KCTD16: variants seen among roughly 807,000 people sequenced by gnomAD.
KCTD16 encodes the protein BTB/POZ domain-containing protein KCTD16.
In KCTD16, 13 loss-of-function variants were observed where a neutral mutation model predicts 33.2. That is an observed-to-expected ratio of 0.39 (90% CI 0.25 to 0.62). The LOEUF (loss-of-function observed/expected upper bound fraction) is 0.62, where lower values mean the gene tolerates loss of function less well. Ranked by LOEUF, KCTD16 falls within the 20% of genes least tolerant of loss-of-function variation. The pLI is 0.50. For missense variants in KCTD16, 441 were observed against 525.1 expected, an observed-to-expected ratio of 0.84 and a Z score of 1.57; for synonymous variants, 197 against 195.3, an observed-to-expected ratio of 1.01 and a Z score of -0.07.
chr5:144,346,642 A>C (rs531929045), intron 3 of KCTD16, among the ~76,000 whole-genome samples: 1 of 152,006 alleles, frequency 6.6e-6, no homozygotes, highest in African/African-American at 2.4e-5. Flanking sequence ...TATGTCTGCC[A>C]TTTTTATGTC....
intron 3 of KCTD16, among the ~76,000 whole-genome samples, chr5:144,359,899 G>A (rs573894014): frequency 3.3e-5 from 5 of 151,860 alleles, no homozygotes; most frequent in Admixed American, 1.3e-4. Context: ...GCATTTTCTG[G>A]TAGAGAAGAT....
intron 3 of KCTD16, among the ~76,000 whole-genome samples, chr5:144,462,675 T>C (rs1754227285): frequency 6.6e-6 from 1 of 151,956 alleles, no homozygotes; most frequent in African/African-American, 2.4e-5. Context: ...GAAGAATATA[T>C]TAAAAAAACA....
chr5:144,433,379 C>T (rs1753507555), intron 3 of KCTD16, among the ~76,000 whole-genome samples: 1 of 152,098 alleles, frequency 6.6e-6, no homozygotes, highest in Non-Finnish European at 1.5e-5. Context: ...AGAGGCCCAG[C>T]CGTTACTCCC....
chr5:144,332,281 AG>A (rs1243859466), intron 3 of KCTD16, among the ~76,000 whole-genome samples: 1 of 152,182 alleles, frequency 6.6e-6, no homozygotes, highest in Admixed American at 6.5e-5. Context: ...AGGGAAAGAC[AG>A]CAAAATGAGG....
chr5:144,378,812 G>A (rs189775874), intron 3 of KCTD16, among the ~76,000 whole-genome samples: 36 of 152,258 alleles, frequency 2.4e-4, no homozygotes, highest in Non-Finnish European at 4.3e-4. Context: ...CTGAACCAAC[G>A]TGTTATTTGG....
intron 3 of KCTD16, among the ~76,000 whole-genome samples, chr5:144,370,730 A>G (rs1031650655): frequency 2.0e-5 from 3 of 152,220 alleles, no homozygotes; most frequent in Non-Finnish European, 4.4e-5. Context: ...TTATGCAGCA[A>G]TAAGGATCTG....
chr5:144,285,632 T>G (rs1450919978), intron 3 of KCTD16, among the ~76,000 whole-genome samples: 1 of 152,202 alleles, frequency 6.6e-6, no homozygotes, highest in African/African-American at 2.4e-5. Context: ...TAAAACACTT[T>G]GATGATGGAC....
chr5:144,259,396 T>G (rs1412922598), intron 3 of KCTD16, among the ~76,000 whole-genome samples: 1 of 152,134 alleles, frequency 6.6e-6, no homozygotes, highest in Non-Finnish European at 1.5e-5. Context: ...CACAGTACAT[T>G]TTATTTCCTT....
rs145527909 is a variant in KCTD16 at position 144,178,085 on chromosome 5, T to C, written c.-327+3613T>C. On this transcript the variant is annotated intron_variant, in intron 2 of 3. Coordinates refer to ENST00000512467, the MANE Select transcript of KCTD16 (RefSeq NM_020768.4). Reference sequence around the variant, plus strand: ...TAAACTTTTTACATTGGGTTTAAAGTCAATCTCATGCTTGTAGAAAGACAC... The same window carrying C: ...TAAACTTTTTACATTGGGTTTAAAGCCAATCTCATGCTTGTAGAAAGACAC... 2.2e-3 allele frequency among the ~76,000 whole-genome samples: 333 copies of C among 152,326 alleles called. 1 individual carries two copies. Among genetic ancestry groups the C allele is most frequent in the African/African-American group, 7.7e-3 (318 of 41,566 alleles).
intron 3 of KCTD16, among the ~76,000 whole-genome samples, chr5:144,240,140 T>C (rs772802422): frequency 3.3e-5 from 5 of 152,114 alleles, no homozygotes; most frequent in Non-Finnish European, 7.4e-5. Flanking sequence ...AGCTAATAAG[T>C]GGTAAAATCA....
intron 3 of KCTD16, among the ~76,000 whole-genome samples, chr5:144,387,138 ATTTT>A (rs377558036): frequency 1.7e-5 from 2 of 116,162 alleles, no homozygotes; most frequent in Admixed American, 9.8e-5. Context: ...GGCTAATTTA[ATTTT>A]TTTTTTTTTT....
At chr5:144,427,201 G>A (rs1428263548) in intron 3 of KCTD16, among the ~76,000 whole-genome samples, 1 of 151,350 alleles carries the variant, frequency 6.6e-6, no homozygotes, top group Non-Finnish European at 1.5e-5. Context: ...TCAGGATAAA[G>A]AAGTTGGAAT....
chr5:144,467,433 A>T (rs1257226729), intron 3 of KCTD16, among the ~76,000 whole-genome samples: 2 of 152,148 alleles, frequency 1.3e-5, no homozygotes, highest in Non-Finnish European at 2.9e-5. Flanking sequence ...ATGCCCTGGC[A>T]TGCTGATCTG....
chr5:144,422,251 G>C (rs559513489), intron 3 of KCTD16, among the ~76,000 whole-genome samples: 22 of 152,052 alleles, frequency 1.4e-4, no homozygotes, highest in Non-Finnish European at 2.5e-4. Flanking sequence ...AGAGAATCAG[G>C]GACCAGGCTT....
chr5:144,293,002 G>C (rs1049154314), intron 3 of KCTD16, among the ~76,000 whole-genome samples: 1 of 152,154 alleles, frequency 6.6e-6, no homozygotes, highest in East Asian at 1.9e-4. Flanking sequence ...ACAGAGACTT[G>C]GTGACACTGA....
At chr5:144,285,210 T>A (rs1376604978) in intron 3 of KCTD16, among the ~76,000 whole-genome samples, 1 of 152,214 alleles carries the variant, frequency 6.6e-6, no homozygotes, top group African/African-American at 2.4e-5. Flanking sequence ...CCAGGGTGGC[T>A]GTTTAGCACT....
chr5:144,293,383 A>T (rs1361759062), intron 3 of KCTD16, among the ~76,000 whole-genome samples: 1 of 152,180 alleles, frequency 6.6e-6, no homozygotes, highest in Non-Finnish European at 1.5e-5. Context: ...ACACTTCCCC[A>T]ATCATTTAAT....
intron 3 of KCTD16, among the ~76,000 whole-genome samples, chr5:144,344,978 G>A (rs1752750859): frequency 6.6e-6 from 1 of 151,448 alleles, no homozygotes; most frequent in African/African-American, 2.4e-5. Flanking sequence ...ATGATAGACT[G>A]GATTAAGAAA....
intron 1 of KCTD16, among the ~76,000 whole-genome samples, chr5:144,172,361 C>G (rs1480252681): frequency 2.0e-5 from 3 of 152,164 alleles, no homozygotes; most frequent in Non-Finnish European, 4.4e-5. Context: ...ATAATGAAAT[C>G]TGGGTAATTG....
Sources: allele counts gnomAD v4.1 joint callset (sites outside exome capture counted in the v4.1 genomes callset), GRCh38; gene constraint gnomAD v4.1.1; transcripts MANE v1.5; gene names NCBI Gene and HGNC (gene_info 2026-07-23, HGNC 2026-07-21).